Variants in KLK6 observed in about 807,000 individuals in gnomAD.
The protein encoded by KLK6 is kallikrein-6.
A neutral mutation model predicts 21.7 loss-of-function variants in KLK6; 16 were observed. That is an observed-to-expected ratio of 0.74 (90% CI 0.50 to 1.12). The LOEUF is 1.12. Among genes scored for constraint, KLK6 ranks in the 50% most tolerant of loss-of-function variants. KLK6 has a pLI of 0.00. For missense variants in KLK6, 276 were observed against 304.6 expected (o/e 0.91, Z 0.70); for synonymous variants, 116 against 120.1 (o/e 0.97, Z 0.22).
intron 6 of KLK6, among the ~76,000 whole-genome samples, chr19:50,959,825 A>G: frequency 2.8e-5 from 1 of 35,744 alleles, no homozygotes; most frequent in Admixed American, 2.7e-4. Flanking sequence ...GAAGAGGAGG[A>G]GGAAGAGGAG....
chr19:50,959,255 T>C lies in KLK6; in HGVS notation c.644A>G (p.Asn215Ser), dbSNP rs1416376840. 5.0e-6 allele frequency: 8 copies of C among 1,613,942 alleles called. No homozygotes were observed. Among genetic ancestry groups the C allele is most frequent in the Non-Finnish European group, 6.8e-6 (8 of 1,179,970 alleles). Residue 215 changes from asparagine (N) to serine (S), a missense_variant, in exon 7 of 7, where the codon AAC (asparagine) becomes AGC (serine). Asn to Ser is a conservative substitution (Grantham distance 46). Transcript: ENST00000310157. The part of the protein sequence containing the change: ...DHLRGLVSWG[N>S]IPCGSKEKPG... ...CTTCTCCTTTGATCCACAGGGGATG[T>C]TACCCCATGACACAAGGCCTCGGAG...
At position 50,959,263 on chromosome 19, in the gene KLK6, T is replaced by C. The variant is rs1332481845; in HGVS notation, c.636A>G (p.Ser212=). ...VCGDHLRGLV[S]WGNIPCGSKE... is the part of the protein sequence containing the mutation. ...TTGATCCACAGGGGATGTTACCCCA[T>C]GACACAAGGCCTCGGAGGTGGTCTC... The change falls in exon 7 of 7, where the codon TCA becomes TCG. Residue 212 remains serine, a synonymous_variant. Coordinates refer to ENST00000310157, the MANE Select transcript of KLK6 (RefSeq NM_002774.4). 1.2e-6 allele frequency: 2 copies of C among 1,613,812 alleles called. No individual in the cohort carries two copies. Among genetic ancestry groups the C allele is most frequent in the Admixed American group, 1.7e-5 (1 of 59,980 alleles).
chr19:50,967,468 A>T, intron 3 of KLK6, 143 bp from the exon 4 acceptor site: 1 of 677,246 alleles, frequency 1.5e-6, no homozygotes, highest in Middle Eastern at 4.5e-4. Flanking sequence ...GCTTGAGCCC[A>T]GGAGTTTGAG....
chr19:50,967,551 A>ACACACACACACACAC (rs1555781646), intron 3 of KLK6, among the ~76,000 whole-genome samples: 28 of 143,322 alleles, frequency 2.0e-4, no homozygotes, highest in East Asian at 4.2e-4. Flanking sequence ...ACACACACAC[A>ACACACACACACACAC]AATTAGCAGG....
chr19:50,960,507 A>G (rs2090824915), intron 6 of KLK6, among the ~76,000 whole-genome samples: 1 of 152,012 alleles, frequency 6.6e-6, no homozygotes, highest in South Asian at 2.1e-4. Context: ...CCTCCTCCAG[A>G]GCCTGGTCGT....
intron 3 of KLK6, 109 bp downstream of exon 3, chr19:50,967,956 T>C: frequency 1.3e-6 from 1 of 742,442 alleles, no homozygotes; most frequent in Non-Finnish European, 2.2e-6. Context: ...ATTTCAAAGC[T>C]CCCCCACCCC....
chr19:50,966,054 C>T (rs1378081597), intron 4 of KLK6, among the ~76,000 whole-genome samples: 9 of 152,236 alleles, frequency 5.9e-5, no homozygotes, highest in East Asian at 1.9e-4. Flanking sequence ...TGTTTGCTGA[C>T]GATGCCTTCA....
At chr19:50,968,346 A>G in intron 2 of KLK6, 195 bp downstream of exon 2, 1 of 597,436 alleles carries the variant, frequency 1.7e-6, no homozygotes, top group South Asian at 2.0e-5. Flanking sequence ...CTGGTCCAGT[A>G]ACCCATGGTG....
In KLK6 at chr19:50,968,586, G is replaced by A; in HGVS notation, c.-54C>T. On this transcript the variant is annotated 5_prime_UTR_variant, in exon 2 of 7. Transcript: ENST00000310157. ...CCGGGGATTCTTGAGTCGGGGGAAG[G>A]AACAGCTTTGAGACGAGGAGGCAGA... The A allele has an allele frequency of 5.4e-6, 1 of 183,510 alleles. No homozygotes were observed. Among genetic ancestry groups the A allele is most frequent in the Non-Finnish European group, 1.1e-5 (1 of 87,030 alleles). 11.4% of individuals were successfully genotyped at this position (183,510 alleles called of 1,614,324 possible).
intron 3 of KLK6, among the ~76,000 whole-genome samples, chr19:50,967,551 A>AC (rs1555781646): frequency 0.02 from 2,939 of 143,428 alleles, 33 homozygotes; most frequent in Middle Eastern, 0.037. Context: ...ACACACACAC[A>AC]AATTAGCAGG....
intron 4 of KLK6, among the ~76,000 whole-genome samples, chr19:50,964,297 T>C (rs184005502): frequency 1.3e-5 from 2 of 152,312 alleles, no homozygotes; most frequent in East Asian, 1.9e-4. Flanking sequence ...AAAATACAAA[T>C]ACCTGTTAGT....
At chr19:50,967,073 G>T in intron 4 of KLK6, 96 bp downstream of exon 4, 1 of 1,382,720 alleles carries the variant, frequency 7.2e-7, no homozygotes, top group Non-Finnish European at 1.0e-6. Context: ...CCTCGTGCTG[G>T]GATGGGGGGG....
chr19:50,967,368 A>G, intron 3 of KLK6, 43 bp from the exon 4 acceptor site: 2 of 1,542,006 alleles, frequency 1.3e-6, no homozygotes, highest in Non-Finnish European at 1.8e-6. Flanking sequence ...TTCTGGAGAA[A>G]CCAAGCGCAT....
At position 50,959,054 on chromosome 19, in the gene KLK6, A is replaced by G; in HGVS notation, c.*110T>C. 8.4e-7 allele frequency: 1 copy of G among 1,186,072 alleles called. No homozygotes were observed. Among genetic ancestry groups the G allele is most frequent in the Non-Finnish European group, 1.2e-6 (1 of 812,192 alleles). The allele number at this position is 1,186,072 out of a possible 1,614,324, so 73.5% of individuals were successfully genotyped here. On this transcript the variant is annotated 3_prime_UTR_variant, in exon 7 of 7. Transcript: ENST00000310157. ...CCTCACGTCGCTGCGTTTATTAAGC[A>G]TCAGGGTCAGAGCTGGGCAGGAGAG...
intron 5 of KLK6, chr19:50,962,624 A>C (rs77665111): frequency 0.051 from 7,741 of 152,086 alleles, 282 homozygotes; most frequent in Non-Finnish European, 0.076. Flanking sequence ...CTCCCTTCCT[A>C]TTAGCCCTTC....
intron 5 of KLK6, chr19:50,962,251 C>T (rs1229761668): frequency 9.2e-6 from 2 of 218,452 alleles, no homozygotes; most frequent in Non-Finnish European, 1.8e-5. Context: ...GTTACGCCCT[C>T]CTCTACTGTA....
chr19:50,965,166 G>A (rs1361297133), intron 4 of KLK6, among the ~76,000 whole-genome samples: 1 of 152,118 alleles, frequency 6.6e-6, no homozygotes, highest in African/African-American at 2.4e-5. Context: ...GTGTTCTGTA[G>A]ATCACAGCTC....
chr19:50,960,503 C>T (rs1248478471), intron 6 of KLK6, among the ~76,000 whole-genome samples: 4 of 152,086 alleles, frequency 2.6e-5, no homozygotes, highest in Non-Finnish European at 5.9e-5. Flanking sequence ...TCTCCCTCCT[C>T]CAGAGCCTGG....
At chr19:50,964,339 G>C (rs1380841365) in intron 4 of KLK6, among the ~76,000 whole-genome samples, 4 of 152,106 alleles carry the variant, frequency 2.6e-5, no homozygotes, top group African/African-American at 9.7e-5. Flanking sequence ...CCTGCTTTCT[G>C]TTCCACCAGA....
Sources: allele counts gnomAD v4.1 joint callset (sites outside exome capture counted in the v4.1 genomes callset), GRCh38; gene constraint gnomAD v4.1.1; transcripts MANE v1.5; gene names NCBI Gene and HGNC (gene_info 2026-07-23, HGNC 2026-07-21).